TBC1D15: variants seen among roughly 807,000 people sequenced by gnomAD.
The protein encoded by TBC1D15 is GAP for RAB7.
In TBC1D15, 39 loss-of-function variants were observed where a neutral mutation model predicts 95.4. That is an observed-to-expected ratio of 0.41 (90% CI 0.32 to 0.53). The LOEUF is 0.53. TBC1D15 is among the 20% of genes least tolerant of loss of function. The probability of loss-of-function intolerance (pLI) is 0.29; values close to 1 mark genes in which losing one functional copy is unlikely to be tolerated. For missense variants in TBC1D15, 733 were observed against 794.3 expected (o/e 0.92, Z 0.93); for synonymous variants, 258 against 261.3 (o/e 0.99, Z 0.12).
At chr12:71,849,564 T>G (rs568890445) in intron 1 of TBC1D15, 7 of 683,896 alleles carry the variant, frequency 1.0e-5, no homozygotes, top group Non-Finnish European at 1.1e-5. Context: ...ACAGTGGCTG[T>G]CCAGATTGAT....
Position 71,896,664 on chromosome 12 carries a change from A to G in TBC1D15, c.985-13A>G, listed in dbSNP as rs996210451. 4 of 1,601,334 alleles carry G rather than the reference A, an allele frequency of 2.5e-6. No homozygotes were observed. Among genetic ancestry groups the G allele is most frequent in the Admixed American group, 1.7e-5 (1 of 58,354 alleles). On this transcript the variant is annotated splice_polypyrimidine_tract_variant and intron_variant, in intron 8 of 16. Transcript: ENST00000485960. The stretch of plus-strand genomic sequence containing the variant: ...TTTTTCATTCATGTATTTAATATGT[A>G]TGCTTTCTTCAGGGACTTAGTCATG...
At chr12:71,896,184 T>G in intron 8 of TBC1D15, 109 bp downstream of exon 8, 1 of 1,114,928 alleles carries the variant, frequency 9.0e-7, no homozygotes. Context: ...GGTTTTTTTT[T>G]TTTTTGGTGG....
intron 6 of TBC1D15, chr12:71,894,311 T>C (rs199761292): frequency 1.2e-6 from 2 of 1,612,030 alleles, no homozygotes; most frequent in South Asian, 2.2e-5. Context: ...AAGAAATATT[T>C]TTTTTGTATG....
In TBC1D15 at chr12:71,894,975, T is replaced by G. The variant is rs1897883584; in HGVS notation, c.855+92T>G. 6 of 1,227,766 alleles carry G rather than the reference T, an allele frequency of 4.9e-6. No homozygotes were observed. In the Admixed American group the frequency reaches 1.0e-4, roughly 20 times the overall value. 76.1% of individuals were successfully genotyped at this position (1,227,766 alleles called of 1,614,324 possible). Reference sequence around the variant, plus strand: ...AAACTTAATTTTGGTGATATCTGCTTCTTTCCATAATCTGTTCTTAACAAC... The same window carrying G: ...AAACTTAATTTTGGTGATATCTGCTGCTTTCCATAATCTGTTCTTAACAAC... On this transcript the variant is annotated intron_variant, in intron 7 of 16. Transcript: ENST00000485960.
chr12:71,846,713 T>C (rs1446152897), intron 1 of TBC1D15, among the ~76,000 whole-genome samples: 1 of 152,030 alleles, frequency 6.6e-6, no homozygotes, highest in Non-Finnish European at 1.5e-5. Flanking sequence ...GTTTTTACTG[T>C]TTACAACAAT....
intron 10 of TBC1D15, among the ~76,000 whole-genome samples, chr12:71,905,200 T>A (rs1900389853): frequency 6.6e-6 from 1 of 152,242 alleles, no homozygotes; most frequent in African/African-American, 2.4e-5. Flanking sequence ...AACTTTTTTT[T>A]ACTATGTTTA....
At position 71,884,880 on chromosome 12, in the gene TBC1D15, T is replaced by C. The variant is rs2138538217; in HGVS notation, c.413T>C (p.Ile138Thr). The change falls in exon 5 of 17, where the codon ATC becomes ACC. Residue 138 changes from isoleucine to threonine, a missense_variant. By Grantham distance (89) the Ile-to-Thr change is moderately conservative. Coordinates refer to ENST00000485960, the MANE Select transcript of TBC1D15 (RefSeq NM_001146213.3). ...TTCAGTTTGACAGACCTGAAATCAA[T>C]CAAGCAAAACAAAGAGGGTATGGGC... ...FLFSLTDLKS[I>T]KQNKEGMGWS... 1.2e-6 allele frequency: 2 copies of C among 1,614,036 alleles called. No individual in the cohort carries two copies. The highest frequency in any genetic ancestry group is 1.7e-6 in the Non-Finnish European group (2 of 1,179,932).
chr12:71,858,816 C>G (rs1475620682), intron 1 of TBC1D15, among the ~76,000 whole-genome samples: 2 of 152,074 alleles, frequency 1.3e-5, no homozygotes, highest in African/African-American at 4.8e-5. Flanking sequence ...CTTGGTCTCC[C>G]AAAGTGTTGG....
At chr12:71,908,950 T>C (rs1239372538) in intron 11 of TBC1D15, among the ~76,000 whole-genome samples, 1 of 152,212 alleles carries the variant, frequency 6.6e-6, no homozygotes, top group Non-Finnish European at 1.5e-5. Context: ...CCATTTATTT[T>C]AGTTTCTGTT....
At chr12:71,898,241 T>C (rs1317528296) in intron 10 of TBC1D15, among the ~76,000 whole-genome samples, 1 of 152,080 alleles carries the variant, frequency 6.6e-6, no homozygotes, top group Non-Finnish European at 1.5e-5. Context: ...TAAAAAACTT[T>C]ATTTTCTTTT....
intron 13 of TBC1D15, 92 bp from the exon 14 acceptor site, chr12:71,918,359 T>C: frequency 2.6e-6 from 2 of 773,996 alleles, no homozygotes; most frequent in Non-Finnish European, 4.2e-6. Flanking sequence ...TTGAATTGCC[T>C]AAGATGCATA....
chr12:71,845,696 G>T lies in TBC1D15; in HGVS notation c.30+5885G>T, dbSNP rs550172970. On this transcript the variant is annotated intron_variant, in intron 1 of 16. Coordinates refer to ENST00000485960, the MANE Select transcript of TBC1D15 (RefSeq NM_001146213.3). ...TAGTTTTGAAAGAAACTGAACTTTTGTACCTTTTTTGGTTGTTATATTAGC... is the reference window on the plus strand; with the variant it reads ...TAGTTTTGAAAGAAACTGAACTTTTTTACCTTTTTTGGTTGTTATATTAGC... 7.9e-5 allele frequency among the ~76,000 whole-genome samples: 12 copies of T among 152,156 alleles called. No homozygotes were observed. The South Asian group carries it at 2.3e-3, about 29-fold the overall frequency.
chr12:71,881,478 C>T (rs1304185155), intron 4 of TBC1D15, among the ~76,000 whole-genome samples: 1 of 152,070 alleles, frequency 6.6e-6, no homozygotes, highest in African/African-American at 2.4e-5. Context: ...GGAGATATAG[C>T]CTGGGCATCT....
At position 71,922,969 on chromosome 12, in the gene TBC1D15, T is replaced by G; in HGVS notation, c.1804-14T>G. ...TAGTGAAATATGGTTTTGAGTTTGA[T>G]TTTTCATATCCAGGAATTGCCACAA... On this transcript the variant is annotated splice_polypyrimidine_tract_variant and intron_variant, in intron 16 of 16. Coordinates refer to ENST00000485960, the MANE Select transcript of TBC1D15 (RefSeq NM_001146213.3). 1 of 1,613,098 alleles carries G rather than the reference T, an allele frequency of 6.2e-7. No individual in the cohort carries two copies. The highest frequency in any genetic ancestry group is 8.5e-7 in the Non-Finnish European group (1 of 1,179,058).
At chr12:71,848,345 C>T (rs1403051369) in intron 1 of TBC1D15, among the ~76,000 whole-genome samples, 1 of 151,986 alleles carries the variant, frequency 6.6e-6, no homozygotes, top group East Asian at 1.9e-4. Flanking sequence ...ATATTTTTGC[C>T]CATATTTAAT....
At chr12:71,894,640 CTTTA>C (rs749907047) in intron 6 of TBC1D15, 42 bp from the exon 7 acceptor site, 22 of 1,535,946 alleles carry the variant, frequency 1.4e-5, no homozygotes, top group African/African-American at 1.4e-5. Context: ...ATTCGTTTTT[CTTTA>C]TTTGAGTTAA....
At chr12:71,884,659 C>A in intron 4 of TBC1D15, 152 bp from the exon 5 acceptor site, 3 of 590,602 alleles carry the variant, frequency 5.1e-6, no homozygotes, top group Non-Finnish European at 8.9e-6. Context: ...ATATAAGTAG[C>A]CATATCTAAT....
intron 11 of TBC1D15, 101 bp from the exon 12 acceptor site, chr12:71,913,725 A>T (rs956950953): frequency 1.4e-6 from 1 of 730,506 alleles, no homozygotes; most frequent in Non-Finnish European, 2.2e-6. Flanking sequence ...AATGCAAAGG[A>T]GAAAGATACA....
At chr12:71,877,218 T>C (rs1894061277) in intron 3 of TBC1D15, among the ~76,000 whole-genome samples, 1 of 151,314 alleles carries the variant, frequency 6.6e-6, no homozygotes, top group Non-Finnish European at 1.5e-5. Flanking sequence ...GTGTTTTTTT[T>C]TTTTTTAAAC....
Sources: gnomAD v4.1 joint callset for allele counts (sites outside exome capture counted in the v4.1 genomes callset) on GRCh38, gnomAD v4.1.1 for gene constraint, MANE v1.5 for transcripts, NCBI Gene and HGNC (gene_info 2026-07-23, HGNC 2026-07-21) for gene names.